Variants in SFMBT2 observed in about 807,000 individuals in gnomAD.
SFMBT2 encodes scm-like with four MBT domains protein 2.
Under a neutral mutation model 110.1 loss-of-function variants are expected in SFMBT2, and 38 were observed. That is an observed-to-expected ratio of 0.35 (90% confidence interval 0.27 to 0.45). SFMBT2 has a LOEUF of 0.45. Among genes scored for constraint, SFMBT2 ranks in the 20% least tolerant of loss-of-function variants. The pLI, the probability that SFMBT2 is intolerant of heterozygous loss-of-function variation, is 1.00. For synonymous variants in SFMBT2, 425 were observed against 425.4 expected (o/e 1.00, Z 0.01); for missense variants, 1,011 against 1,094.9 (o/e 0.92, Z 1.08).
At chr10:7,391,170 GAA>G (rs1174771825) in intron 1 of SFMBT2, among the ~76,000 whole-genome samples, 1 of 151,354 alleles carries the variant, frequency 6.6e-6, no homozygotes, top group Non-Finnish European at 1.5e-5. Context: ...GAAAGCCACT[GAA>G]AGAGTAGCAC....
chr10:7,234,044 G>A (rs1840185399), intron 9 of SFMBT2, among the ~76,000 whole-genome samples: 1 of 152,218 alleles, frequency 6.6e-6, no homozygotes, highest in Non-Finnish European at 1.5e-5. Flanking sequence ...TGTCGATGCT[G>A]TTTGCTAAAA....
chr10:7,365,749 C>A (rs1844873572), intron 4 of SFMBT2, among the ~76,000 whole-genome samples: 1 of 152,238 alleles, frequency 6.6e-6, no homozygotes, highest in Middle Eastern at 3.4e-3. Context: ...GCATAGGATT[C>A]CATGCATGTA....
intron 4 of SFMBT2, among the ~76,000 whole-genome samples, chr10:7,349,647 C>T (rs537121943): frequency 7.7e-4 from 116 of 151,500 alleles, no homozygotes; most frequent in Non-Finnish European, 8.7e-4. Context: ...TTAATGGAGA[C>T]GGGGTTTTGC....
At chr10:7,355,343 A>T (rs1385597790) in intron 4 of SFMBT2, among the ~76,000 whole-genome samples, 1 of 152,240 alleles carries the variant, frequency 6.6e-6, no homozygotes, top group East Asian at 1.9e-4. Context: ...TTTTTTCAGC[A>T]CTGAATCTCA....
At position 7,410,785 on chromosome 10, in the gene SFMBT2, C is replaced by A. The variant is rs1052624327; in HGVS notation, c.-52+76G>T. The stretch of plus-strand genomic sequence containing the variant: ...GGCTGGAAAAAGCCCCTGACCAGCG[C>A]ACTCAACCTGCGGGCCGAAGGGCTG... On this transcript the variant is annotated intron_variant, in intron 1 of 20. Transcript: ENST00000397167. Among the ~76,000 whole-genome samples, 6 of 151,146 alleles carry A rather than the reference C, an allele frequency of 4.0e-5. No homozygotes were observed. The South Asian group carries it at 1.2e-3, about 31-fold the overall frequency.
At chr10:7,219,320 T>G (rs749759694) in intron 11 of SFMBT2, among the ~76,000 whole-genome samples, 1 of 152,260 alleles carries the variant, frequency 6.6e-6, no homozygotes. Flanking sequence ...ATCAACTTTT[T>G]GGGAATTTCC....
At chr10:7,273,184 C>T (rs1197388560) in intron 7 of SFMBT2, among the ~76,000 whole-genome samples, 1 of 152,252 alleles carries the variant, frequency 6.6e-6, no homozygotes, top group East Asian at 1.9e-4. Flanking sequence ...ATAAGACAGA[C>T]ATTTTTAGCC....
At position 7,293,147 on chromosome 10, in the gene SFMBT2, C is replaced by T. The variant is rs1842310121; in HGVS notation, c.437-7193G>A. The stretch of plus-strand genomic sequence containing the variant: ...CACTGCAACCTCCACCTCCTGGGTT[C>T]AAGCGATTCTCCTACCTCAGCCTCC... On this transcript the variant is annotated intron_variant, in intron 4 of 20. Coordinates refer to ENST00000397167, the MANE Select transcript of SFMBT2 (RefSeq NM_001387889.1). This position sits in a 1 kb window ranked among gnomAD's most constrained non-coding sequence, Gnocchi z 4.6. 6.6e-6 allele frequency among the ~76,000 whole-genome samples: 1 copy of T among 152,114 alleles called. No homozygotes were observed.
intron 16 of SFMBT2, among the ~76,000 whole-genome samples, chr10:7,188,328 T>C (rs1471041837): frequency 6.6e-6 from 1 of 152,214 alleles, no homozygotes; most frequent in African/African-American, 2.4e-5. Flanking sequence ...TTCCCCCTTT[T>C]GCTCAAATAA....
At chr10:7,318,946 C>A (rs1366932126) in intron 4 of SFMBT2, among the ~76,000 whole-genome samples, 1 of 152,198 alleles carries the variant, frequency 6.6e-6, no homozygotes. Context: ...GCAGAGAGTG[C>A]CGCCTGTACA....
chr10:7,388,411 G>T (rs1015191401), intron 1 of SFMBT2, among the ~76,000 whole-genome samples: 6 of 151,636 alleles, frequency 4.0e-5, no homozygotes, highest in Non-Finnish European at 7.4e-5. Context: ...AGGCTAGAGT[G>T]CAATGGCCCA....
intron 3 of SFMBT2, among the ~76,000 whole-genome samples, chr10:7,369,920 C>T (rs113511850): frequency 0.06 from 9,122 of 152,122 alleles, 910 homozygotes; most frequent in African/African-American, 0.21. Flanking sequence ...GGTGCAGTGG[C>T]GCAATCTTGG....
At chr10:7,222,871 C>T (rs1390430580) in intron 10 of SFMBT2, among the ~76,000 whole-genome samples, 1 of 152,028 alleles carries the variant, frequency 6.6e-6, no homozygotes, top group Non-Finnish European at 1.5e-5. Flanking sequence ...GGGGTTTCAC[C>T]ATGTTGGCCA....
At chr10:7,211,241 C>G (rs927405440) in intron 11 of SFMBT2, among the ~76,000 whole-genome samples, 4 of 152,040 alleles carry the variant, frequency 2.6e-5, no homozygotes, top group Admixed American at 6.6e-5. Context: ...GGGCCCCATA[C>G]AGTTCTTGCA....
intron 9 of SFMBT2, among the ~76,000 whole-genome samples, chr10:7,234,683 G>A (rs59725201): frequency 0.017 from 2,623 of 152,174 alleles, 59 homozygotes; most frequent in African/African-American, 0.058. Flanking sequence ...GTAGCCGGGC[G>A]GGACGATCTG....
At chr10:7,309,414 C>T (rs191749841) in intron 4 of SFMBT2, among the ~76,000 whole-genome samples, 137 of 152,310 alleles carry the variant, frequency 9.0e-4, no homozygotes, top group African/African-American at 1.7e-3. Flanking sequence ...GATTCTCACC[C>T]GTGAAAAGTG....
rs1438285854 is a variant in SFMBT2 at position 7,228,719 on chromosome 10, CTTT to C, written c.1121-785_1121-783del. 9.1e-3 allele frequency among the ~76,000 whole-genome samples: 1,164 copies of C among 127,460 alleles called. 3 individuals carry two copies. Among genetic ancestry groups the C allele is most frequent in the African/African-American group, 0.021 (621 of 29,878 alleles). 83.6% of individuals were successfully genotyped at this position (127,460 alleles called of 152,430 possible). On this transcript the variant is annotated intron_variant, in intron 9 of 20. Transcript: ENST00000397167. ...TCTTTCTTTCTTTCTTTCTTTCTTT[CTTT>C]CTTTCTTTCTTTCCTTTCTCTCTCT...
At chr10:7,377,520 G>T (rs1210113546) in intron 2 of SFMBT2, among the ~76,000 whole-genome samples, 1 of 152,168 alleles carries the variant, frequency 6.6e-6, no homozygotes, top group African/African-American at 2.4e-5. Flanking sequence ...TATAGAATCA[G>T]TGGGAATCCT....
intron 1 of SFMBT2, among the ~76,000 whole-genome samples, chr10:7,387,035 AG>A (rs1479177404): frequency 7.9e-5 from 12 of 152,306 alleles, no homozygotes; most frequent in African/African-American, 2.9e-4. Context: ...CCCATAATGC[AG>A]CTATGACTTT....
Sources: gnomAD v4.1 joint callset for allele counts (sites outside exome capture counted in the v4.1 genomes callset) on GRCh38, gnomAD v4.1.1 for gene constraint, Gnocchi (gnomAD v3.1) non-coding constraint, MANE v1.5 for transcripts, NCBI Gene and HGNC (gene_info 2026-07-23, HGNC 2026-07-21) for gene names.